Variants in SDC3 observed in about 807,000 individuals in gnomAD.
The protein encoded by SDC3 is syndecan-3.
In SDC3, 13 loss-of-function variants were observed where a neutral mutation model predicts 24.4. The observed-to-expected ratio is 0.53, with a 90% CI of 0.35 to 0.85. The LOEUF is 0.85. Ranked by LOEUF, SDC3 falls within the 40% of genes least tolerant of loss-of-function variation. The pLI is 0.01. For missense variants in SDC3, 571 were observed against 584.5 expected (o/e 0.98, Z 0.24); for synonymous variants, 295 against 260.9 (o/e 1.13, Z -1.26).
At position 30,877,086 on chromosome 1, in the gene SDC3, C is replaced by T. The variant is rs143651606; in HGVS notation, c.336G>A (p.Ala112=). ...GCTGGATGTTCGTGGTGGGCAGCAC[C>T]GCAGGTGTGGTGGACACCGCCAGGG... ...DVALAVSTTP[A]VLPTTNIQPV... The change falls in exon 3 of 5, where the codon GCG becomes GCA. Residue 112 remains alanine (A), a synonymous_variant. Transcript: ENST00000339394. 17 of 1,613,688 alleles carry T rather than the reference C, an allele frequency of 1.1e-5. No homozygotes were observed. The highest frequency in any genetic ancestry group is 6.7e-5 in the African/African-American group (5 of 74,852).
intron 1 of SDC3, 34 bp from the exon 2 acceptor site, chr1:30,878,774 A>C (rs1569997346): frequency 6.3e-7 from 1 of 1,586,856 alleles, no homozygotes. Context: ...AGGGCTCGGC[A>C]CCCGAGACTG....
At chr1:30,902,129 C>A (rs1638425250) in intron 1 of SDC3, among the ~76,000 whole-genome samples, 1 of 152,192 alleles carries the variant, frequency 6.6e-6, no homozygotes, top group Non-Finnish European at 1.5e-5. Flanking sequence ...CAGGCCTCAG[C>A]CAGCTGGGGC....
chr1:30,885,923 C>T (rs1639820381), intron 1 of SDC3, among the ~76,000 whole-genome samples: 1 of 152,212 alleles, frequency 6.6e-6, no homozygotes, highest in African/African-American at 2.4e-5. Flanking sequence ...GCCCCCTCCT[C>T]AACCCAGGGC....
Position 30,872,186 on chromosome 1 carries a change from G to T in SDC3, c.*1025C>A, listed in dbSNP as rs555385364. ...TAGGGGGACCCAATATGGGCTGATT[G>T]TTCTGGCTCGATTCCACCCTCCCCA... On this transcript the variant is annotated 3_prime_UTR_variant, in exon 5 of 5. Coordinates refer to ENST00000339394, the MANE Select transcript of SDC3 (RefSeq NM_014654.4). 2 of 152,408 alleles carry T rather than the reference G, an allele frequency of 1.3e-5. No individual in the cohort carries two copies. The highest frequency in any genetic ancestry group is 2.1e-4 in the South Asian group (1 of 4,828). The allele number at this position is 152,408 out of a possible 1,614,324, so 9.4% of individuals were successfully genotyped here. A position where few individuals can be genotyped will look rare whatever the true frequency, so the allele number is the denominator to read the frequency against.
At position 30,877,130 on chromosome 1, in the gene SDC3, G is replaced by T. The variant is rs149166920; in HGVS notation, c.292C>A (p.Arg98Ser). 6.8e-6 allele frequency: 11 copies of T among 1,613,962 alleles called. No individual in the cohort carries two copies. The highest frequency in any genetic ancestry group is 1.3e-5 in the African/African-American group (1 of 75,034). Residue 98 changes from arginine (R) to serine (S), a missense_variant, in exon 3 of 5, where the codon CGC (arginine) becomes AGC (serine). Physicochemically the swap from Arg to Ser is moderately radical, Grantham distance 110. Around this residue, in one of 2 missense-constraint regions of SDC3, gnomAD observed 497 missense variants for 471.6 expected, o/e 1.05. Transcript: ENST00000339394. ...GCCAGGGCTACATCTGGGCTGAAGC[G>T]CATGGCTGTCTCAATGCCCGACTCC... ...EQESGIETAM[R>S]FSPDVALAVS...
Position 30,869,536 on chromosome 1 carries a change from CAAAAAAA to C in SDC3, c.*3668_*3674del, listed in dbSNP as rs11338317. On this transcript the variant is annotated 3_prime_UTR_variant, in exon 5 of 5. Transcript: ENST00000339394. ...AGGAAGTGTTAAAAAAACAAACAAA[CAAAAAAA>C]AAAAAAAAAAAAAAAAAACAAAAAC... The C allele has an allele frequency of 7.1e-4, 249 of 348,256 alleles. No homozygotes were observed. The highest frequency in any genetic ancestry group is 4.2e-3 in the African/African-American group (161 of 38,418). 21.6% of individuals were successfully genotyped at this position (348,256 alleles called of 1,614,324 possible). A position where few individuals can be genotyped will look rare whatever the true frequency, so the allele number is the denominator to read the frequency against.
intron 4 of SDC3, among the ~76,000 whole-genome samples, chr1:30,874,068 A>C (rs543609054): frequency 6.6e-6 from 1 of 152,268 alleles, no homozygotes; most frequent in African/African-American, 2.4e-5. Context: ...CTGAGGGAAG[A>C]CCTAGAGATG....
intron 3 of SDC3, among the ~76,000 whole-genome samples, chr1:30,874,957 C>A (rs866065624): frequency 1.3e-5 from 2 of 152,206 alleles, no homozygotes; most frequent in South Asian, 4.1e-4. Flanking sequence ...GGATTCCTGC[C>A]GAGAAGCTGT....
intron 1 of SDC3, among the ~76,000 whole-genome samples, chr1:30,891,967 C>T (rs1247292148): frequency 6.6e-6 from 1 of 152,024 alleles, no homozygotes; most frequent in Non-Finnish European, 1.5e-5. Context: ...TACAAGGACC[C>T]CCTGCCCCTC....
chr1:30,873,436 G>T (rs1639577245), intron 4 of SDC3, 59 bp from the exon 5 acceptor site: 2 of 1,332,356 alleles, frequency 1.5e-6, no homozygotes, highest in Non-Finnish European at 2.1e-6. Context: ...AGGGCAAAGG[G>T]TCCTCAGGGG....
At chr1:30,886,345 C>T (rs1639828098) in intron 1 of SDC3, among the ~76,000 whole-genome samples, 1 of 152,092 alleles carries the variant, frequency 6.6e-6, no homozygotes, top group Admixed American at 6.5e-5. Flanking sequence ...CACAATGCCT[C>T]CTTTGTCAGC....
At chr1:30,895,524 C>T (rs925073581) in intron 1 of SDC3, among the ~76,000 whole-genome samples, 3 of 152,226 alleles carry the variant, frequency 2.0e-5, no homozygotes, top group Admixed American at 6.5e-5. Flanking sequence ...AACAGCCACA[C>T]TTCATCTCTG....
rs774674536 is a variant in SDC3, at chr1:30,878,728, G to A, written c.151C>T (p.Arg51Cys). 2.5e-5 allele frequency: 41 copies of A among 1,613,960 alleles called. No individual in the cohort carries two copies. The highest frequency in any genetic ancestry group is 3.1e-5 in the Non-Finnish European group (36 of 1,179,912). ...ACGGGTCTCTCGAAGTTCTCACTGC[G>A]CCAGCGCTGGGCCTAGGGAAGGTAG... The part of the protein sequence containing the change: ...AGRAAGAQRW[R>C]SENFERPVDL... The change falls in exon 2 of 5, where the codon CGC becomes TGC. Residue 51 changes from arginine (R) to cysteine (C), a missense_variant. By Grantham distance (180) the Arg-to-Cys change is radical. Transcript: ENST00000339394.
intron 1 of SDC3, among the ~76,000 whole-genome samples, chr1:30,894,233 G>A (rs545789341): frequency 2.0e-5 from 3 of 147,896 alleles, no homozygotes; most frequent in South Asian, 2.2e-4. Context: ...GTGTGGGGAC[G>A]ACAGCGTGTG....
At chr1:30,884,335 C>G (rs1296134112) in intron 1 of SDC3, among the ~76,000 whole-genome samples, 1 of 152,020 alleles carries the variant, frequency 6.6e-6, no homozygotes, top group Admixed American at 6.6e-5. Context: ...CCCCAACTCA[C>G]ACACTCAAGC....
intron 1 of SDC3, among the ~76,000 whole-genome samples, chr1:30,902,915 C>T (rs183047862): frequency 3.2e-4 from 49 of 152,346 alleles, no homozygotes; most frequent in Non-Finnish European, 4.9e-4. Context: ...CTCACAGTCC[C>T]GGCTTCCTTC....
At chr1:30,874,864 C>T (rs1639612049) in intron 3 of SDC3, among the ~76,000 whole-genome samples, 1 of 152,170 alleles carries the variant, frequency 6.6e-6, no homozygotes, top group African/African-American at 2.4e-5. Context: ...TGTTTCTAAC[C>T]ACTAACACAC....
Position 30,873,140 on chromosome 1 carries a change from G to C in SDC3, c.*71C>G. 8.6e-7 allele frequency: 1 copy of C among 1,166,444 alleles called. No homozygotes were observed. The highest frequency in any genetic ancestry group is 1.3e-6 in the Non-Finnish European group (1 of 785,014). 72.3% of individuals were successfully genotyped at this position (1,166,444 alleles called of 1,614,324 possible). ...GGTTCCAGGCCCAGTCCCAGGCTTG[G>C]GCTGGTGGGGCCAGGCTGGGGACTG... is the stretch of plus-strand genomic sequence containing the variant. On this transcript the variant is annotated 3_prime_UTR_variant, in exon 5 of 5. Transcript: ENST00000339394.
At chr1:30,894,353 AGTGTGTGTGAGT>A (rs1557523104) in intron 1 of SDC3, among the ~76,000 whole-genome samples, 1 of 83,326 alleles carries the variant, frequency 1.2e-5, no homozygotes, top group Non-Finnish European at 2.1e-5. Flanking sequence ...TGTGTGGATG[AGTGTGTGTGAGT>A]GTGTGTGTGG....
Sources: allele counts gnomAD v4.1 joint callset (sites outside exome capture counted in the v4.1 genomes callset), GRCh38; gene constraint gnomAD v4.1.1; regional missense constraint gnomAD v4.1.1; transcripts MANE v1.5; gene names NCBI Gene and HGNC (gene_info 2026-07-23, HGNC 2026-07-21).